The following TGM7 variants were observed in gnomAD, a reference collection of about 807,000 sequenced individuals.
TGM7 encodes the protein protein-glutamine gamma-glutamyltransferase Z.
In TGM7, 74 loss-of-function variants were observed where a neutral mutation model predicts 79.5. The observed-to-expected ratio is 0.93, with a 90% CI of 0.77 to 1.13. TGM7 has a LOEUF of 1.13. Among genes scored for constraint, TGM7 ranks in the 50% most tolerant of loss-of-function variants. TGM7 has a pLI of 0.00. For synonymous variants in TGM7, 354 were observed against 362.5 expected (o/e 0.98, Z 0.27); for missense variants, 912 against 905.9 (o/e 1.01, Z -0.09).
In TGM7 at chr15:43,276,870, T is replaced by C. The variant is rs150374715; in HGVS notation, c.1965A>G (p.Ile655Met). The C allele has an allele frequency of 7.2e-5, 117 of 1,613,970 alleles. No homozygotes were observed. The highest frequency in any genetic ancestry group is 9.9e-5 in the Non-Finnish European group (117 of 1,179,986). The change falls in exon 12 of 13, where the codon ATA (isoleucine) becomes ATG (methionine). Residue 655 changes from isoleucine to methionine, a missense_variant. Ile to Met is a conservative substitution (Grantham distance 10). Transcript: ENST00000452443. ...LEGSGLINGQ[I>M]AKDLGTLVAG... The stretch of plus-strand genomic sequence containing the variant: ...GCAGAAGCGTCACTTACTCCTTTGC[T>C]ATCTGCCCATTGATGAGGCCGCTTC...
chr15:43,282,635 A>G lies in TGM7; in HGVS notation c.1005-15T>C. On this transcript the variant is annotated splice_polypyrimidine_tract_variant and intron_variant, in intron 7 of 12. Coordinates refer to ENST00000452443, the MANE Select transcript of TGM7 (RefSeq NM_052955.3). ...CGTGGAAGTTCCTGCAGGAGGGAGT[A>G]AGGAGACAAGGATTCATGTTAGCTG... 2 of 1,573,176 alleles carry G rather than the reference A, an allele frequency of 1.3e-6. No homozygotes were observed. The highest frequency in any genetic ancestry group is 1.7e-6 in the Non-Finnish European group (2 of 1,156,550).
At chr15:43,276,821 C>T in intron 12 of TGM7, 41 bp downstream of exon 12, 1 of 1,605,262 alleles carries the variant, frequency 6.2e-7, no homozygotes, top group Non-Finnish European at 8.5e-7. Flanking sequence ...CACCCCTTTC[C>T]TGAGACCAGC....
chr15:43,280,429 G>A (rs1444952450), intron 9 of TGM7, among the ~76,000 whole-genome samples: 2 of 152,196 alleles, frequency 1.3e-5, no homozygotes, highest in Non-Finnish European at 2.9e-5. Context: ...TTTGAGACCA[G>A]ACTGGCCAAC....
chr15:43,282,184 C>T (rs2042913110), intron 8 of TGM7, 98 bp from the exon 9 acceptor site: 7 of 1,502,254 alleles, frequency 4.7e-6, no homozygotes, highest in Non-Finnish European at 6.3e-6. Flanking sequence ...CTGACTCTCA[C>T]CCGTGGGATA....
In TGM7 at chr15:43,279,654, G is replaced by A. The variant is rs747645795; in HGVS notation, c.1649C>T (p.Thr550Ile). 1.2e-6 allele frequency: 2 copies of A among 1,608,454 alleles called. No individual in the cohort carries two copies. The highest frequency in any genetic ancestry group is 1.7e-6 in the Non-Finnish European group (2 of 1,176,640). ...CCCAAAGTCCAGGTTCATCCGCACTGTGTGCCTCCAGAAGGGCTTCTGGGT... is the reference window on the plus strand; with the variant it reads ...CCCAAAGTCCAGGTTCATCCGCACTATGTGCCTCCAGAAGGGCTTCTGGGT... ...GGTQKPFWRH[T>I]VRMNLDFGKE... The change falls in exon 10 of 13, where the codon ACA (threonine) becomes ATA (isoleucine). Residue 550 changes from threonine (T) to isoleucine (I), a missense_variant. Transcript: ENST00000452443.
intron 6 of TGM7, among the ~76,000 whole-genome samples, chr15:43,285,274 C>A (rs901222487): frequency 6.6e-6 from 1 of 152,174 alleles, no homozygotes; most frequent in Non-Finnish European, 1.5e-5. Flanking sequence ...CGGTGGCTTA[C>A]GCCTGTAATC....
intron 3 of TGM7, 108 bp downstream of exon 3, chr15:43,292,601 T>C: frequency 7.4e-7 from 1 of 1,351,624 alleles, no homozygotes; most frequent in Non-Finnish European, 1.0e-6. Flanking sequence ...CACACGCTAC[T>C]ACATTGCATA....
At position 43,287,494 on chromosome 15, in the gene TGM7, G is replaced by T. The variant is rs373360169; in HGVS notation, c.688-37C>A. On this transcript the variant is annotated intron_variant, in intron 5 of 12. Transcript: ENST00000452443. ...AGACAGGTGGGTTTCCACAGCTCCC[G>T]GGGAAGCTCAGACTGTCCTCAGACG... The T allele has an allele frequency of 1.9e-6, 3 of 1,612,780 alleles. No individual in the cohort carries two copies. The South Asian group carries it at 3.3e-5, about 18-fold the overall frequency.
At position 43,282,590 on chromosome 15, in the gene TGM7, C is replaced by T; in HGVS notation, c.1035G>A (p.Met345Ile). The T allele has an allele frequency of 6.2e-7, 1 of 1,601,134 alleles. No individual in the cohort carries two copies. Among genetic ancestry groups the T allele is most frequent in the Middle Eastern group, 1.7e-4 (1 of 6,048 alleles). The change falls in exon 8 of 13, where the codon ATG (methionine) becomes ATA (isoleucine). Residue 345 changes from methionine (M) to isoleucine (I), a missense_variant. Physicochemically the swap from Met to Ile is conservative, Grantham distance 10. Coordinates refer to ENST00000452443, the MANE Select transcript of TGM7 (RefSeq NM_052955.3). ...ATCCTGGTGGGAGATCTTTCCGGAT[C>T]ATCCAGCACTCATTCCAGACGTGGA... ...WNFHVWNECW[M>I]IRKDLPPGYN...
Position 43,292,949 on chromosome 15 carries a change from TG to T in TGM7, c.198del (p.Lys67SerfsTer52), listed in dbSNP as rs1566846606. On this transcript the variant is annotated frameshift_variant, in exon 3 of 13. Coordinates refer to ENST00000452443, the MANE Select transcript of TGM7 (RefSeq NM_052955.3). LOFTEE classifies it high-confidence loss of function. ...CGGGTCCCCAGCAGCTCTGACGGCT[TG>T]GGTCCTGTGTAGGAGAGAATGACCC... is the stretch of plus-strand genomic sequence containing the variant. The part of the protein sequence containing the change: ...DHITFVAETG[P>X]KPSELLGTRA... 1.9e-6 allele frequency: 3 copies of T among 1,613,182 alleles called. No individual in the cohort carries two copies. Among genetic ancestry groups the T allele is most frequent in the Non-Finnish European group, 2.5e-6 (3 of 1,179,868 alleles).
At position 43,292,730 on chromosome 15, in the gene TGM7, G is replaced by A; in HGVS notation, c.418C>T (p.Leu140Phe). The A allele has an allele frequency of 6.2e-7, 1 of 1,614,174 alleles. No homozygotes were observed. Among genetic ancestry groups the A allele is most frequent in the Non-Finnish European group, 8.5e-7 (1 of 1,180,048 alleles). ...VTYPLGTFIL[L>F]FNPWSPEDDV... ...CTACCTGGACTCCAAGGGTTAAAAA[G>A]TAGGATGAAAGTTCCCAGCGGGTAA... The change falls in exon 3 of 13, where the codon CTT becomes TTT. Residue 140 changes from leucine (L) to phenylalanine (F), a missense_variant. Transcript: ENST00000452443.
At chr15:43,301,587 G>A (rs1464526826) in intron 1 of TGM7, among the ~76,000 whole-genome samples, 4 of 148,188 alleles carry the variant, frequency 2.7e-5, no homozygotes, top group African/African-American at 1.0e-4. Context: ...CCGAGATCGC[G>A]CCATTGCACT....
intron 11 of TGM7, 73 bp from the exon 12 acceptor site, chr15:43,277,068 C>G: frequency 6.4e-7 from 1 of 1,562,286 alleles, no homozygotes; most frequent in Admixed American, 1.9e-5. Context: ...TTACCCCCAC[C>G]CCCAGGTCCC....
At chr15:43,279,302 G>C in intron 10 of TGM7, 25 bp from the exon 11 acceptor site, 1 of 1,610,748 alleles carries the variant, frequency 6.2e-7, no homozygotes, top group Non-Finnish European at 8.5e-7. Flanking sequence ...AAGACACCTT[G>C]AGTCCAGGAC....
In TGM7 at chr15:43,287,571, C is replaced by A; in HGVS notation, c.657G>T (p.Val219=). The A allele has an allele frequency of 6.2e-7, 1 of 1,614,118 alleles. No individual in the cohort carries two copies. ...CACTCACCACCCTGCACACATACAC[C>A]ACGTCGTTCCGCTGGGAACAGTCTT... ...PAKDCSQRND[V]VYVCRVVSAM... is the part of the protein sequence containing the mutation. The change falls in exon 5 of 13, where the codon GTG becomes GTT. Residue 219 remains valine (V), a synonymous_variant. Coordinates refer to ENST00000452443, the MANE Select transcript of TGM7 (RefSeq NM_052955.3).
At chr15:43,280,279 C>T (rs1010525809) in intron 9 of TGM7, among the ~76,000 whole-genome samples, 1 of 152,124 alleles carries the variant, frequency 6.6e-6, no homozygotes, top group Non-Finnish European at 1.5e-5. Flanking sequence ...AAGCCAGAGG[C>T]TTCTCTCCCC....
chr15:43,294,686 G>C (rs1191317109), intron 1 of TGM7, among the ~76,000 whole-genome samples: 1 of 152,176 alleles, frequency 6.6e-6, no homozygotes, highest in Non-Finnish European at 1.5e-5. Flanking sequence ...TCCTCTAGTA[G>C]TACATCAGTT....
chr15:43,302,218 G>A, intron 1 of TGM7, 23 bp downstream of exon 1: 1 of 1,614,076 alleles, frequency 6.2e-7, no homozygotes, highest in African/African-American at 1.3e-5. Flanking sequence ...CTCCGAAAAG[G>A]TAAGTCGATT....
chr15:43,298,344 G>T (rs1357288196), intron 1 of TGM7, among the ~76,000 whole-genome samples: 1 of 152,214 alleles, frequency 6.6e-6, no homozygotes, highest in Non-Finnish European at 1.5e-5. Context: ...GATGAGGAGG[G>T]GCTCGAGCCC....
Sources: allele counts gnomAD v4.1 joint callset (sites outside exome capture counted in the v4.1 genomes callset), GRCh38; gene constraint gnomAD v4.1.1; transcripts MANE v1.5; gene names NCBI Gene and HGNC (gene_info 2026-07-23, HGNC 2026-07-21).